Variants in MINDY4B observed in about 807,000 individuals in gnomAD.
MINDY4B encodes MINDY family member 4B.
A neutral mutation model predicts 16.7 loss-of-function variants in MINDY4B; 25 were observed. That is an observed-to-expected ratio of 1.49 (90% CI 1.09 to 2.09). The LOEUF (loss-of-function observed/expected upper bound fraction) is 2.09. Among genes scored for constraint, MINDY4B ranks in the 30% most tolerant of loss-of-function variants. The pLI, the probability that MINDY4B is intolerant of heterozygous loss-of-function variation, is 0.00. For missense variants in MINDY4B, 327 were observed against 168.4 expected, an observed-to-expected ratio of 1.94 and a Z score of -5.21; for synonymous variants, 132 against 61.9, an observed-to-expected ratio of 2.13 and a Z score of -5.32.
intron 10 of MINDY4B, among the ~76,000 whole-genome samples, chr3:150,875,876 G>A (rs1480559890): frequency 6.6e-6 from 1 of 152,132 alleles, no homozygotes; most frequent in African/African-American, 2.4e-5. Context: ...ACAAAACAAA[G>A]CACCTTCCAA....
intron 10 of MINDY4B, among the ~76,000 whole-genome samples, chr3:150,874,414 T>C (rs1459655401): frequency 7.2e-5 from 11 of 152,238 alleles, no homozygotes; most frequent in Admixed American, 7.2e-4. Flanking sequence ...TTCTAGTGCG[T>C]TTCTATCAGT....
intron 10 of MINDY4B, among the ~76,000 whole-genome samples, chr3:150,880,025 T>G (rs577098533): frequency 2.6e-5 from 4 of 152,386 alleles, no homozygotes; most frequent in Non-Finnish European, 4.4e-5. Flanking sequence ...AAGTCTTATA[T>G]GTCTATAGAA....
In MINDY4B at chr3:150,870,926, A is replaced by G; in HGVS notation, c.*119T>C. On this transcript the variant is annotated 3_prime_UTR_variant, in exon 12 of 12. Transcript: ENST00000465419. Reference sequence around the variant, plus strand: ...AAAAAACTGCTAATGGTATATATATATATTTTTTGGTGGGGCTTGTGAATG... The same window carrying G: ...AAAAAACTGCTAATGGTATATATATGTATTTTTTGGTGGGGCTTGTGAATG... 3.3e-6 allele frequency: 2 copies of G among 605,384 alleles called. No homozygotes were observed. The highest frequency in any genetic ancestry group is 2.9e-6 in the Non-Finnish European group (1 of 341,786). The allele number at this position is 605,384 out of a possible 1,614,324, so 37.5% of individuals were successfully genotyped here.
rs1239734349 is a variant in MINDY4B, at chr3:150,873,264, C to G, written c.1163G>C (p.Trp388Ser). The G allele has an allele frequency of 3.7e-5, 26 of 702,966 alleles. No homozygotes were observed. The highest frequency in any genetic ancestry group is 6.5e-5 in the Non-Finnish European group (25 of 384,912). 43.5% of individuals were successfully genotyped at this position (702,966 alleles called of 1,614,324 possible). The change falls in exon 11 of 12, where the codon TGG becomes TCG. Residue 388 changes from tryptophan to serine, a missense_variant. Coordinates refer to ENST00000465419, the MANE Select transcript of MINDY4B (RefSeq NM_001351281.2). ...CAGATCAAAGAGACGTTCCATTTTC[C>G]AGTCTGATAAGAGCTGCCTGTTTGT... is the stretch of plus-strand genomic sequence containing the variant. ...FCTNRQLLSDWKMERLFDLYF... is the reference protein window; with the variant it reads ...FCTNRQLLSDSKMERLFDLYF...
At chr3:150,893,549 C>A in intron 4 of MINDY4B, 134 bp from the exon 5 acceptor site, 1 of 657,300 alleles carries the variant, frequency 1.5e-6, no homozygotes, top group South Asian at 1.7e-5. Context: ...TTGTGCCACT[C>A]CTCCCTGCAG....
intron 10 of MINDY4B, among the ~76,000 whole-genome samples, chr3:150,879,351 T>C (rs971833343): frequency 2.0e-5 from 3 of 152,112 alleles, no homozygotes; most frequent in Admixed American, 2.0e-4. Context: ...CCAGTGCTGC[T>C]GGCATCTAGT....
At position 150,870,916 on chromosome 3, in the gene MINDY4B, G is replaced by A. The variant is rs537693089; in HGVS notation, c.*129C>T. On this transcript the variant is annotated 3_prime_UTR_variant, in exon 12 of 12. Transcript: ENST00000465419. Reference sequence around the variant, plus strand: ...TTAAAAAATGAAAAAACTGCTAATGGTATATATATATATTTTTTGGTGGGG... The same window carrying A: ...TTAAAAAATGAAAAAACTGCTAATGATATATATATATATTTTTTGGTGGGG... 3 of 589,620 alleles carry A rather than the reference G, an allele frequency of 5.1e-6. No homozygotes were observed. The highest frequency in any genetic ancestry group is 4.2e-5 in the South Asian group (2 of 47,366). The allele number at this position is 589,620 out of a possible 1,614,324, so 36.5% of individuals were successfully genotyped here. A position where few individuals can be genotyped will look rare whatever the true frequency, so the allele number is the denominator to read the frequency against.
chr3:150,893,863 G>A, intron 4 of MINDY4B, among the ~76,000 whole-genome samples: 1 of 152,060 alleles, frequency 6.6e-6, no homozygotes, highest in Admixed American at 6.5e-5. Context: ...GCTAATTTTT[G>A]TATTTTTAGA....
intron 10 of MINDY4B, among the ~76,000 whole-genome samples, chr3:150,877,500 A>G (rs1361465812): frequency 6.6e-6 from 1 of 152,166 alleles, no homozygotes; most frequent in Admixed American, 6.5e-5. Flanking sequence ...ACTGTGTTTC[A>G]GTTCTATGCA....
At chr3:150,893,180 G>A (rs1037355492) in intron 5 of MINDY4B, 144 bp downstream of exon 5, 5 of 623,464 alleles carry the variant, frequency 8.0e-6, no homozygotes, top group Admixed American at 5.2e-5. Flanking sequence ...GCAGAATCCA[G>A]CCTCTCTGGG....
intron 3 of MINDY4B, among the ~76,000 whole-genome samples, chr3:150,897,039 CCCTTTACTGTACTGT>C (rs1348280583): frequency 6.6e-6 from 1 of 152,106 alleles, no homozygotes; most frequent in Non-Finnish European, 1.5e-5. Context: ...ATGTGTACTG[CCCTTTACTGTACTGT>C]CCTTTTCTCT....
chr3:150,881,251 G>A (rs755467711), intron 10 of MINDY4B, among the ~76,000 whole-genome samples: 2 of 152,154 alleles, frequency 1.3e-5, no homozygotes, highest in Non-Finnish European at 2.9e-5. Flanking sequence ...AGCCATGGTG[G>A]TGTACATCTG....
intron 11 of MINDY4B, among the ~76,000 whole-genome samples, chr3:150,872,839 A>G (rs938989735): frequency 2.0e-5 from 3 of 152,214 alleles, no homozygotes; most frequent in African/African-American, 7.2e-5. Context: ...GGGTTTTCCC[A>G]ATTATTTCCT....
In MINDY4B at chr3:150,882,892, C is replaced by T. The variant is rs1275879676; in HGVS notation, c.1059+5G>A. 4.3e-6 allele frequency: 3 copies of T among 700,114 alleles called. No individual in the cohort carries two copies. The highest frequency in any genetic ancestry group is 1.5e-5 in the South Asian group (1 of 67,244). The allele number at this position is 700,114 out of a possible 1,614,324, so 43.4% of individuals were successfully genotyped here. A position where few individuals can be genotyped will look rare whatever the true frequency, so the allele number is the denominator to read the frequency against. On this transcript the variant is annotated splice_donor_5th_base_variant and intron_variant, in intron 10 of 11. Coordinates refer to ENST00000465419, the MANE Select transcript of MINDY4B (RefSeq NM_001351281.2). ...TTGTGTGGTTGAGGACTGGAACACA[C>T]TCACCTGTGAGAGTCTGTCATCTTC...
At chr3:150,886,149 C>T (rs935673131) in intron 7 of MINDY4B, among the ~76,000 whole-genome samples, 1 of 152,198 alleles carries the variant, frequency 6.6e-6, no homozygotes, top group Non-Finnish European at 1.5e-5. Context: ...AGGATCAAAT[C>T]TAAACTACCT....
chr3:150,893,815 C>T (rs752935313), intron 4 of MINDY4B, among the ~76,000 whole-genome samples: 38 of 152,082 alleles, frequency 2.5e-4, no homozygotes, highest in Non-Finnish European at 3.8e-4. Flanking sequence ...CTTAGCCTCC[C>T]GAGTAGCTAG....
At chr3:150,871,797 A>G (rs962479759) in intron 11 of MINDY4B, among the ~76,000 whole-genome samples, 1 of 152,308 alleles carries the variant, frequency 6.6e-6, no homozygotes, top group African/African-American at 2.4e-5. Context: ...GTAAGCCAGG[A>G]TCACGCCACT....
At chr3:150,902,418 A>G (rs1210069575) in intron 3 of MINDY4B, among the ~76,000 whole-genome samples, 1 of 152,206 alleles carries the variant, frequency 6.6e-6, no homozygotes, top group East Asian at 1.9e-4. Context: ...CCCGAGTTTC[A>G]TTATGATTTC....
At chr3:150,892,782 T>TAA (rs35470998) in intron 5 of MINDY4B, among the ~76,000 whole-genome samples, 63,419 of 137,782 alleles carry the variant, frequency 0.46, 14,224 homozygotes, top group Middle Eastern at 0.54. Flanking sequence ...CTAGCTCTAC[T>TAA]AAAAAAAAAA....
Sources: allele counts gnomAD v4.1 joint callset (sites outside exome capture counted in the v4.1 genomes callset), GRCh38; gene constraint gnomAD v4.1.1; transcripts MANE v1.5; gene names NCBI Gene and HGNC (gene_info 2026-07-23, HGNC 2026-07-21).